PAFAH1B1: variants seen among roughly 807,000 people sequenced by gnomAD.
PAFAH1B1 encodes platelet activating factor acetylhydrolase 1b regulatory subunit 1.
Under a neutral mutation model 57.5 loss-of-function variants are expected in PAFAH1B1, and 2 were observed. That is an observed-to-expected ratio of 0.03 (90% CI 0.01 to 0.11). PAFAH1B1 has a LOEUF of 0.11. Among genes scored for constraint, PAFAH1B1 ranks in the 10% least tolerant of loss-of-function variants. The probability of loss-of-function intolerance (pLI) is 1.00; values close to 1 mark genes in which losing one functional copy is unlikely to be tolerated. For missense variants in PAFAH1B1, 257 were observed against 512.0 expected, an observed-to-expected ratio of 0.50 and a Z score of 4.81; for synonymous variants, 152 against 169.6, an observed-to-expected ratio of 0.90 and a Z score of 0.81.
At chr17:2,622,596 G>C (rs554910194) in intron 1 of PAFAH1B1, among the ~76,000 whole-genome samples, 1 of 152,126 alleles carries the variant, frequency 6.6e-6, no homozygotes, top group Non-Finnish European at 1.5e-5. Context: ...TGCAGGGTAC[G>C]GCCTCCCTCC....
At chr17:2,676,858 C>A (rs1231394575) in intron 9 of PAFAH1B1, among the ~76,000 whole-genome samples, 1 of 152,140 alleles carries the variant, frequency 6.6e-6, no homozygotes, top group African/African-American at 2.4e-5. Context: ...CTCACTGTAT[C>A]TTTAAAAATT....
intron 9 of PAFAH1B1, 127 bp from the exon 10 acceptor site, chr17:2,680,037 C>T (rs1243381184): frequency 1.2e-6 from 1 of 867,696 alleles, no homozygotes; most frequent in Non-Finnish European, 1.9e-6. Flanking sequence ...AATCTAGAAT[C>T]CCCTAGACTT....
At chr17:2,675,841 GAAAT>G (rs1260186865) in intron 8 of PAFAH1B1, among the ~76,000 whole-genome samples, 1 of 151,672 alleles carries the variant, frequency 6.6e-6, no homozygotes, top group East Asian at 1.9e-4. Context: ...ACCCTGTCTT[GAAAT>G]AAATAAATAT....
intron 2 of PAFAH1B1, among the ~76,000 whole-genome samples, chr17:2,661,074 C>T (rs1343427170): frequency 6.6e-6 from 1 of 151,896 alleles, no homozygotes; most frequent in Non-Finnish European, 1.5e-5. Flanking sequence ...CTGTTCATAT[C>T]CTTTGCCCAC....
intron 8 of PAFAH1B1, 53 bp from the exon 9 acceptor site, chr17:2,676,452 T>G: frequency 9.2e-7 from 1 of 1,092,430 alleles, no homozygotes; most frequent in Non-Finnish European, 1.4e-6. Flanking sequence ...CCATTTAAAG[T>G]CCATACCTAA....
At chr17:2,627,747 C>T (rs2068510186) in intron 1 of PAFAH1B1, among the ~76,000 whole-genome samples, 1 of 152,146 alleles carries the variant, frequency 6.6e-6, no homozygotes, top group African/African-American at 2.4e-5. Flanking sequence ...TTTGTGTCAT[C>T]TCTGATTTCT....
At chr17:2,663,459 C>T (rs2069048783) in intron 2 of PAFAH1B1, among the ~76,000 whole-genome samples, 1 of 152,086 alleles carries the variant, frequency 6.6e-6, no homozygotes, top group Non-Finnish European at 1.5e-5. Flanking sequence ...TCACTCACAG[C>T]TTGCTGCAAC....
At chr17:2,674,406 T>G in intron 8 of PAFAH1B1, 118 bp downstream of exon 8, 1 of 754,266 alleles carries the variant, frequency 1.3e-6, no homozygotes, top group Non-Finnish European at 2.4e-6. Flanking sequence ...ATCCAGCAAT[T>G]CTGAATCTTG....
chr17:2,605,078 C>T (rs1049376870), intron 1 of PAFAH1B1, among the ~76,000 whole-genome samples: 1 of 152,074 alleles, frequency 6.6e-6, no homozygotes, highest in Admixed American at 6.6e-5. Flanking sequence ...AGAGATTATG[C>T]AGGTGGCAAT....
At chr17:2,626,415 A>C (rs1198416600) in intron 1 of PAFAH1B1, among the ~76,000 whole-genome samples, 2 of 152,146 alleles carry the variant, frequency 1.3e-5, no homozygotes, top group Non-Finnish European at 2.9e-5. Flanking sequence ...AAGGTTGGAA[A>C]GGTTAAAGTT....
intron 1 of PAFAH1B1, among the ~76,000 whole-genome samples, chr17:2,615,988 G>A (rs1233163079): frequency 6.6e-6 from 1 of 152,156 alleles, no homozygotes; most frequent in African/African-American, 2.4e-5. Flanking sequence ...AAGCGGCAGA[G>A]GCAGTGAATA....
At chr17:2,618,301 T>C (rs1005894453) in intron 1 of PAFAH1B1, among the ~76,000 whole-genome samples, 1 of 152,216 alleles carries the variant, frequency 6.6e-6, no homozygotes, top group African/African-American at 2.4e-5. Flanking sequence ...GGGAAAAGTC[T>C]AAATTCTCTC....
intron 1 of PAFAH1B1, among the ~76,000 whole-genome samples, chr17:2,617,120 T>A (rs145501011): frequency 6.6e-6 from 1 of 152,148 alleles, no homozygotes; most frequent in Non-Finnish European, 1.5e-5. Flanking sequence ...CATCCAGATA[T>A]GACTTATATT....
chr17:2,636,826 GGT>G (rs1485655492), intron 1 of PAFAH1B1, among the ~76,000 whole-genome samples: 1 of 151,966 alleles, frequency 6.6e-6, no homozygotes, highest in Non-Finnish European at 1.5e-5. Context: ...TGAACTCTTG[GGT>G]AGCAAGCATT....
At position 2,652,395 on chromosome 17, in the gene PAFAH1B1, G is replaced by A. The variant is rs190334952; in HGVS notation, c.33-12977G>A. Among the ~76,000 whole-genome samples the A allele has an allele frequency of 5.4e-3, 816 of 151,436 alleles. 4 individuals are homozygous for A. The highest frequency in any genetic ancestry group is 0.017 in the African/African-American group (687 of 41,118). On this transcript the variant is annotated intron_variant, in intron 2 of 10. Transcript: ENST00000397195. ...GCGCCACTGCACTCCAGCCTGGGCG[G>A]CAGAGCGAGACTCCGTCTCAAACAA...
chr17:2,630,775 C>T (rs2068545860), intron 1 of PAFAH1B1, among the ~76,000 whole-genome samples: 1 of 152,118 alleles, frequency 6.6e-6, no homozygotes, highest in Non-Finnish European at 1.5e-5. Flanking sequence ...TAAGATAATC[C>T]CAGACGTCTT....
chr17:2,676,901 GC>G (rs1393050809), intron 9 of PAFAH1B1, among the ~76,000 whole-genome samples: 1 of 152,032 alleles, frequency 6.6e-6, no homozygotes, highest in Non-Finnish European at 1.5e-5. Context: ...GGTGGCTTAC[GC>G]CTGTAATCCC....
Position 2,653,332 on chromosome 17 carries a change from A to G in PAFAH1B1, c.33-12040A>G, listed in dbSNP as rs535786950. Among the ~76,000 whole-genome samples the G allele has an allele frequency of 1.7e-4, 26 of 152,238 alleles. No individual in the cohort carries two copies. In the South Asian group the frequency reaches 5.4e-3, roughly 32 times the overall value. ...TATACCTAATGTAAATGACGAGTTA[A>G]TGGGTGCAGCACACCAACATGGCAC... On this transcript the variant is annotated intron_variant, in intron 2 of 10. Coordinates refer to ENST00000397195, the MANE Select transcript of PAFAH1B1 (RefSeq NM_000430.4).
chr17:2,677,204 G>A (rs1443297130), intron 9 of PAFAH1B1, among the ~76,000 whole-genome samples: 4 of 152,122 alleles, frequency 2.6e-5, no homozygotes, highest in African/African-American at 9.7e-5. Flanking sequence ...AGAAAAAGCA[G>A]CATTCTTAGA....
Sources: allele counts gnomAD v4.1 joint callset (sites outside exome capture counted in the v4.1 genomes callset), GRCh38; gene constraint gnomAD v4.1.1; transcripts MANE v1.5; gene names NCBI Gene and HGNC (gene_info 2026-07-23, HGNC 2026-07-21).